CFDP1: variants seen among roughly 807,000 people sequenced by gnomAD.
CFDP1 encodes heterochromatin-stabilizing protein CFDP1.
A neutral mutation model predicts 40.1 loss-of-function variants in CFDP1; 31 were observed. The observed-to-expected ratio is 0.77, with a 90% CI of 0.58 to 1.04. The LOEUF (loss-of-function observed/expected upper bound fraction) is 1.04. Among genes scored for constraint, CFDP1 ranks in the 50% least tolerant of loss-of-function variants. The pLI, the probability that CFDP1 is intolerant of heterozygous loss-of-function variation, is 0.00. For synonymous variants in CFDP1, 167 were observed against 120.0 expected (o/e 1.39, Z -2.56); for missense variants, 423 against 343.4 (o/e 1.23, Z -1.83).
intron 5 of CFDP1, among the ~76,000 whole-genome samples, chr16:75,361,247 G>T (rs994844977): frequency 6.6e-6 from 1 of 152,110 alleles, no homozygotes; most frequent in East Asian, 1.9e-4. Context: ...CTGGCCTCAA[G>T]TGATCCACCC....
chr16:75,380,550 G>C (rs543573629), intron 5 of CFDP1, among the ~76,000 whole-genome samples: 5 of 150,842 alleles, frequency 3.3e-5, no homozygotes, highest in Non-Finnish European at 7.4e-5. Context: ...TGAAAGGAAA[G>C]AGTTAGGAAA....
intron 5 of CFDP1, among the ~76,000 whole-genome samples, chr16:75,312,458 C>T (rs569691656): frequency 1.6e-4 from 24 of 152,176 alleles, no homozygotes; most frequent in Non-Finnish European, 2.4e-4. Flanking sequence ...TGGCAAGTAG[C>T]AACAGCTTTA....
chr16:75,432,711 A>G (rs2079437318), intron 1 of CFDP1, among the ~76,000 whole-genome samples: 1 of 152,188 alleles, frequency 6.6e-6, no homozygotes, highest in Non-Finnish European at 1.5e-5. Context: ...AAGACCAAGA[A>G]GGGGGAACAG....
intron 5 of CFDP1, among the ~76,000 whole-genome samples, chr16:75,321,726 T>G (rs558148842): frequency 6.6e-6 from 1 of 152,196 alleles, no homozygotes; most frequent in South Asian, 2.1e-4. Flanking sequence ...AAACCATAAA[T>G]TTAAGATTAT....
chr16:75,372,651 C>T (rs1234981969), intron 5 of CFDP1: 1 of 152,230 alleles, frequency 6.6e-6, no homozygotes, highest in African/African-American at 2.4e-5. Flanking sequence ...AATCTACTTG[C>T]TCAACTGTTT....
intron 5 of CFDP1, among the ~76,000 whole-genome samples, chr16:75,320,081 T>C (rs963622854): frequency 1.2e-4 from 19 of 152,160 alleles, no homozygotes; most frequent in African/African-American, 4.3e-4. Context: ...CCATCCTCCA[T>C]CTCTAGAGCA....
intron 1 of CFDP1, 59 bp downstream of exon 1, chr16:75,433,230 G>C (rs1296244058): frequency 1.3e-6 from 2 of 1,498,608 alleles, no homozygotes; most frequent in African/African-American, 2.8e-5. Context: ...GGCAGAGCGC[G>C]CCTCACGTGA....
At chr16:75,410,028 C>A (rs1465285699) in intron 4 of CFDP1, among the ~76,000 whole-genome samples, 1 of 117,016 alleles carries the variant, frequency 8.5e-6, no homozygotes, top group Non-Finnish European at 1.6e-5. Context: ...TCAAGACCAG[C>A]CTAGGCAACA....
chr16:75,304,331 G>C (rs923291591), intron 6 of CFDP1, among the ~76,000 whole-genome samples: 2 of 152,184 alleles, frequency 1.3e-5, no homozygotes, highest in African/African-American at 4.8e-5. Context: ...GCCTCCGAAA[G>C]TGCCAAGATT....
At chr16:75,320,647 G>A (rs1250875259) in intron 5 of CFDP1, among the ~76,000 whole-genome samples, 1 of 152,156 alleles carries the variant, frequency 6.6e-6, no homozygotes, top group Non-Finnish European at 1.5e-5. Context: ...GGGGACGAGT[G>A]GCTTTGCTAT....
intron 5 of CFDP1, among the ~76,000 whole-genome samples, chr16:75,393,599 C>T (rs1290547611): frequency 2.0e-5 from 3 of 150,720 alleles, no homozygotes; most frequent in Non-Finnish European, 3.0e-5. Context: ...GGCGCGGTGG[C>T]GGGCGCCTGT....
At chr16:75,377,827 T>C (rs8046184) in intron 5 of CFDP1, among the ~76,000 whole-genome samples, 129,108 of 152,192 alleles carry the variant, frequency 0.85, 54,913 homozygotes, top group Middle Eastern at 0.91. Context: ...CCCAAACTGC[T>C]TTAGCAATAA....
chr16:75,422,764 T>C (rs2079294830), intron 1 of CFDP1, among the ~76,000 whole-genome samples: 1 of 151,488 alleles, frequency 6.6e-6, no homozygotes, highest in African/African-American at 2.4e-5. Context: ...AAGGATCGCT[T>C]GAGGCCAGGA....
In CFDP1 at chr16:75,302,316, A is replaced by G. The variant is rs556215422; in HGVS notation, c.809+2708T>C. Among the ~76,000 whole-genome samples the G allele has an allele frequency of 2.0e-5, 3 of 152,142 alleles. No individual in the cohort carries two copies. In the East Asian group the frequency reaches 5.8e-4, roughly 29 times the overall value. The stretch of plus-strand genomic sequence containing the variant: ...CACTCTTTCACCCAAGCTGAAATGC[A>G]CTGGTGCGATCAGAGCTCACTGCAG... On this transcript the variant is annotated intron_variant, in intron 6 of 6. Transcript: ENST00000283882.
At chr16:75,305,245 T>C in intron 5 of CFDP1, 63 bp from the exon 6 acceptor site, 1 of 1,531,006 alleles carries the variant, frequency 6.5e-7, no homozygotes, top group South Asian at 1.2e-5. Flanking sequence ...TTAACAGTTT[T>C]TCTGATGCAA....
intron 5 of CFDP1, among the ~76,000 whole-genome samples, chr16:75,327,457 AG>A (rs1212512717): frequency 1.3e-5 from 2 of 150,522 alleles, no homozygotes; most frequent in African/African-American, 5.0e-5. Flanking sequence ...GAATGGGGGA[AG>A]GGGACAGAAG....
intron 5 of CFDP1, among the ~76,000 whole-genome samples, chr16:75,362,601 C>T (rs930241177): frequency 6.6e-6 from 1 of 152,208 alleles, no homozygotes; most frequent in Non-Finnish European, 1.5e-5. Context: ...CGACCTACAA[C>T]ACAAGCTGTA....
intron 1 of CFDP1, among the ~76,000 whole-genome samples, chr16:75,419,548 G>C (rs1316604576): frequency 1.3e-5 from 2 of 152,202 alleles, no homozygotes; most frequent in African/African-American, 2.4e-5. Flanking sequence ...ATCTGAACCA[G>C]AGCAACTCCA....
At chr16:75,411,741 A>C in intron 4 of CFDP1, 84 bp downstream of exon 4, 1 of 1,314,220 alleles carries the variant, frequency 7.6e-7, no homozygotes, top group South Asian at 1.3e-5. Context: ...ATGGATTGAA[A>C]AGAGGATAGA....
Sources: allele counts gnomAD v4.1 joint callset (sites outside exome capture counted in the v4.1 genomes callset), GRCh38; gene constraint gnomAD v4.1.1; transcripts MANE v1.5; gene names NCBI Gene and HGNC (gene_info 2026-07-23, HGNC 2026-07-21).